ME1: variants seen among roughly 807,000 people sequenced by gnomAD.
ME1 encodes NADP-dependent malic enzyme.
Under a neutral mutation model 66.4 loss-of-function variants are expected in ME1, and 74 were observed. The ratio of observed to expected loss-of-function variants is 1.11; its 90% CI spans 0.92 to 1.35. The LOEUF (loss-of-function observed/expected upper bound fraction) is 1.35, where lower values mean the gene tolerates loss of function less well. Among genes scored for constraint, ME1 ranks in the 40% most tolerant of loss-of-function variants. ME1 has a pLI of 0.00. For missense variants in ME1, 750 were observed against 694.1 expected (o/e 1.08, Z -0.90); for synonymous variants, 251 against 235.6 (o/e 1.07, Z -0.60).
At chr6:83,230,766 C>T (rs1367647287) in intron 9 of ME1, among the ~76,000 whole-genome samples, 1 of 151,958 alleles carries the variant, frequency 6.6e-6, no homozygotes, top group Non-Finnish European at 1.5e-5. Context: ...CCCGTCTCTA[C>T]TAAAAATATA....
chr6:83,347,849 G>A (rs550278005), intron 4 of ME1, among the ~76,000 whole-genome samples: 2 of 152,154 alleles, frequency 1.3e-5, no homozygotes, highest in Admixed American at 6.6e-5. Context: ...TTATAAATTA[G>A]TTAACTGAAA....
intron 3 of ME1, among the ~76,000 whole-genome samples, chr6:83,355,032 T>G (rs1200773862): frequency 1.3e-5 from 2 of 152,190 alleles, no homozygotes; most frequent in Non-Finnish European, 2.9e-5. Flanking sequence ...CATTATATCC[T>G]TTCATGGTTT....
chr6:83,420,012 G>A (rs1288948740), intron 1 of ME1, among the ~76,000 whole-genome samples: 2 of 152,130 alleles, frequency 1.3e-5, no homozygotes, highest in Admixed American at 6.6e-5. Flanking sequence ...TGAAAAGCAG[G>A]CCTTCTTGTA....
intron 6 of ME1, among the ~76,000 whole-genome samples, chr6:83,276,022 G>A (rs903172963): frequency 6.6e-6 from 1 of 151,802 alleles, no homozygotes. Context: ...TGCCCGTCTC[G>A]GTCTCCGGAA....
chr6:83,320,981 C>G (rs186350354), intron 5 of ME1, among the ~76,000 whole-genome samples: 154 of 152,246 alleles, frequency 1.0e-3, no homozygotes, highest in Non-Finnish European at 1.2e-3. Flanking sequence ...ATGGGTTAGA[C>G]AGTGGGTACA....
At chr6:83,298,490 A>G (rs1174276336) in intron 6 of ME1, among the ~76,000 whole-genome samples, 2 of 152,134 alleles carry the variant, frequency 1.3e-5, no homozygotes, top group Non-Finnish European at 2.9e-5. Flanking sequence ...GATAGATTGC[A>G]AAAATTTTCT....
At chr6:83,315,540 A>C (rs1275544448) in intron 5 of ME1, 127 bp from the exon 6 acceptor site, 2 of 615,446 alleles carry the variant, frequency 3.2e-6, no homozygotes, top group South Asian at 4.3e-5. Context: ...ATTCAGAATT[A>C]ACCTACAGGG....
At chr6:83,366,791 C>T (rs1359962121) in intron 3 of ME1, among the ~76,000 whole-genome samples, 1 of 152,142 alleles carries the variant, frequency 6.6e-6, no homozygotes, top group Admixed American at 6.5e-5. Flanking sequence ...AGTCTTGGAT[C>T]CCTCAAAGTC....
intron 6 of ME1, among the ~76,000 whole-genome samples, chr6:83,289,872 T>G (rs1767468485): frequency 6.6e-6 from 1 of 152,228 alleles, no homozygotes; most frequent in Non-Finnish European, 1.5e-5. Flanking sequence ...AGGTTGTATG[T>G]GTCCAGGAAT....
intron 7 of ME1, among the ~76,000 whole-genome samples, chr6:83,241,408 G>T (rs184854921): frequency 5.3e-4 from 81 of 152,118 alleles, no homozygotes; most frequent in Admixed American, 5.3e-3. Context: ...TATTTACATC[G>T]AATTGGACAC....
intron 7 of ME1, among the ~76,000 whole-genome samples, chr6:83,252,221 G>A (rs1001907231): frequency 4.6e-5 from 7 of 152,284 alleles, no homozygotes; most frequent in Middle Eastern, 3.4e-3. Flanking sequence ...AGTAGGTTAA[G>A]TAGGAGATAA....
intron 5 of ME1, among the ~76,000 whole-genome samples, chr6:83,319,996 C>T (rs977576941): frequency 1.3e-5 from 2 of 152,126 alleles, no homozygotes; most frequent in Admixed American, 6.5e-5. Context: ...ATTTAGATGA[C>T]AATTTCTTGA....
intron 1 of ME1, among the ~76,000 whole-genome samples, chr6:83,430,151 A>T (rs954673687): frequency 6.6e-6 from 1 of 152,050 alleles, no homozygotes; most frequent in Non-Finnish European, 1.5e-5. Flanking sequence ...CTCTAAACAA[A>T]ATTTTTTTTT....
At chr6:83,301,687 T>C (rs1316064718) in intron 6 of ME1, among the ~76,000 whole-genome samples, 1 of 152,006 alleles carries the variant, frequency 6.6e-6, no homozygotes, top group Admixed American at 6.6e-5. Flanking sequence ...CCAACAAACA[T>C]ATGAAAAAAG....
At chr6:83,419,974 A>G (rs1770235072) in intron 1 of ME1, among the ~76,000 whole-genome samples, 1 of 152,208 alleles carries the variant, frequency 6.6e-6, no homozygotes, top group South Asian at 2.1e-4. Flanking sequence ...AAATGTGGGG[A>G]AGGCTACTTT....
Position 83,327,195 on chromosome 6 carries a change from G to A in ME1, c.601-11782C>T, listed in dbSNP as rs183624967. 1.1e-3 allele frequency among the ~76,000 whole-genome samples: 165 copies of A among 152,154 alleles called. 1 individual carries two copies. The highest frequency in any genetic ancestry group is 3.4e-3 in the Middle Eastern group (1 of 294). Reference sequence around the variant, plus strand: ...CACCTCAGGACCCTGTAATAATTGCGTTAACTGCACAAATTGTACAGCACA... The same window carrying A: ...CACCTCAGGACCCTGTAATAATTGCATTAACTGCACAAATTGTACAGCACA... On this transcript the variant is annotated intron_variant, in intron 5 of 13. Coordinates refer to ENST00000369705, the MANE Select transcript of ME1 (RefSeq NM_002395.6).
chr6:83,421,744 G>A (rs1310502011), intron 1 of ME1, among the ~76,000 whole-genome samples: 2 of 152,172 alleles, frequency 1.3e-5, no homozygotes. Context: ...TTAAAGGTCA[G>A]AGAAGGAAGA....
At chr6:83,429,699 CA>C (rs934630176) in intron 1 of ME1, among the ~76,000 whole-genome samples, 2 of 136,036 alleles carry the variant, frequency 1.5e-5, no homozygotes, top group African/African-American at 5.2e-5. Context: ...ACCACACACA[CA>C]AAAAAAATCA....
intron 3 of ME1, among the ~76,000 whole-genome samples, chr6:83,391,316 C>G (rs1388978573): frequency 6.6e-6 from 1 of 152,140 alleles, no homozygotes; most frequent in African/African-American, 2.4e-5. Flanking sequence ...AGAGCCCATA[C>G]TTTCAATCAC....
Sources: gnomAD v4.1 joint callset for allele counts (sites outside exome capture counted in the v4.1 genomes callset) on GRCh38, gnomAD v4.1.1 for gene constraint, MANE v1.5 for transcripts, NCBI Gene and HGNC (gene_info 2026-07-23, HGNC 2026-07-21) for gene names.